The following DNAH17 variants were observed in gnomAD, a reference collection of about 807,000 sequenced individuals.
The protein encoded by DNAH17 is axonemal beta dynein heavy chain 17.
In DNAH17, 376 loss-of-function variants were observed where a neutral mutation model predicts 485.6. The observed-to-expected ratio is 0.77, with a 90% CI of 0.71 to 0.84. The LOEUF (loss-of-function observed/expected upper bound fraction) is 0.84, where lower values mean the gene tolerates loss of function less well. Ranked by LOEUF, DNAH17 falls within the 40% of genes least tolerant of loss-of-function variation. The pLI is 0.00. For synonymous variants in DNAH17, 3,031 were observed against 2,405.9 expected (o/e 1.26, Z -7.60); for missense variants, 6,370 against 5,839.3 (o/e 1.09, Z -2.96).
chr17:78,522,469 A>G lies in DNAH17; in HGVS notation c.3864+2540T>C, dbSNP rs2090957971. ...ATGGAAGGGTGGAGGCACTGGCAAC[A>G]TCAAGCTCCTGAAGCACAAGGAGAA... On this transcript the variant is annotated intron_variant, in intron 25 of 80. Coordinates refer to ENST00000389840, the MANE Select transcript of DNAH17 (RefSeq NM_173628.4). 1.2e-5 allele frequency: 4 copies of G among 324,728 alleles called. 1 individual carries two copies. In the Admixed American group the frequency reaches 1.3e-4, roughly 10 times the overall value. The allele number at this position is 324,728 out of a possible 1,614,324, so 20.1% of individuals were successfully genotyped here.
chr17:78,540,879 ATGGGTGGATGGATGGG>A (rs2091531049), intron 17 of DNAH17, among the ~76,000 whole-genome samples: 1 of 18 alleles, frequency 0.056, no homozygotes, highest in Non-Finnish European at 0.083. Context: ...GGGTGGGTGG[ATGGGTGGATGGATGGG>A]TGGGTGGGTG....
rs982623337 is a variant in DNAH17, at chr17:78,501,502, C to A, written c.5323-158G>T. Reference sequence around the variant, plus strand: ...GCACCCACATCCAACTGTATGGCCACCCTCAGTGGAATCTCGCTACAGAAT... The same window carrying A: ...GCACCCACATCCAACTGTATGGCCAACCTCAGTGGAATCTCGCTACAGAAT... On this transcript the variant is annotated intron_variant, in intron 34 of 80. Transcript: ENST00000389840. 8 of 1,017,400 alleles carry A rather than the reference C, an allele frequency of 7.9e-6. No homozygotes were observed. The East Asian group carries it at 1.1e-4, about 13-fold the overall frequency. 63.0% of individuals were successfully genotyped at this position (1,017,400 alleles called of 1,614,324 possible).
chr17:78,443,602 C>A (rs1169790548), intron 71 of DNAH17, among the ~76,000 whole-genome samples: 1 of 152,102 alleles, frequency 6.6e-6, no homozygotes, highest in Admixed American at 6.5e-5. Context: ...CAGGCTGGAG[C>A]GCAGTGGCAC....
At chr17:78,538,671 T>C (rs2091442489) in intron 18 of DNAH17, among the ~76,000 whole-genome samples, 1 of 152,188 alleles carries the variant, frequency 6.6e-6, no homozygotes, top group Admixed American at 6.5e-5. Context: ...GAGAACCCTT[T>C]GTTACTGGGA....
chr17:78,535,875 C>T lies in DNAH17; in HGVS notation c.2859+1424G>A, dbSNP rs187145848. 2.0e-5 allele frequency among the ~76,000 whole-genome samples: 3 copies of T among 152,300 alleles called. No homozygotes were observed. The East Asian group carries it at 5.8e-4, about 29-fold the overall frequency. ...GGGTTTGGGCCAGAATTGGTCAAGC[C>T]ACTCCCCTCTTCCACAAACATTTAG... On this transcript the variant is annotated intron_variant, in intron 19 of 80. Transcript: ENST00000389840.
intron 75 of DNAH17, among the ~76,000 whole-genome samples, chr17:78,429,631 CTGTGCCTCAG>C (rs1290055753): frequency 7.2e-5 from 11 of 152,214 alleles, no homozygotes; most frequent in Non-Finnish European, 1.2e-4. Flanking sequence ...CTGTGCCTCA[CTGTGCCTCAG>C]AGGCCACAGG....
At chr17:78,460,675 G>C (rs2088074043) in intron 58 of DNAH17, among the ~76,000 whole-genome samples, 1 of 152,188 alleles carries the variant, frequency 6.6e-6, no homozygotes, top group South Asian at 2.1e-4. Context: ...TCGACAGTTG[G>C]GTGGGATTCT....
rs191556461 is a variant in DNAH17 at position 78,512,277 on chromosome 17, C to T, written c.4114-1771G>A. 2.7e-3 allele frequency among the ~76,000 whole-genome samples: 406 copies of T among 152,318 alleles called. 3 individuals carry two copies. Among genetic ancestry groups the T allele is most frequent in the African/African-American group, 9.3e-3 (387 of 41,562 alleles). On this transcript the variant is annotated intron_variant, in intron 26 of 80. Coordinates refer to ENST00000389840, the MANE Select transcript of DNAH17 (RefSeq NM_173628.4). ...GGGTATGTTCTCACCGTTGTTCTTGCATTCTTTCATGCCAAGACCTGTCCC... is the reference window on the plus strand; with the variant it reads ...GGGTATGTTCTCACCGTTGTTCTTGTATTCTTTCATGCCAAGACCTGTCCC...
intron 18 of DNAH17, among the ~76,000 whole-genome samples, chr17:78,537,909 C>T (rs150672227): frequency 0.02 from 2,994 of 152,178 alleles, 46 homozygotes; most frequent in Non-Finnish European, 0.032. Flanking sequence ...GAGGCCAAGG[C>T]GGGTGGATCA....
intron 20 of DNAH17, among the ~76,000 whole-genome samples, chr17:78,531,507 T>A (rs931812544): frequency 6.6e-6 from 1 of 151,598 alleles, no homozygotes; most frequent in Non-Finnish European, 1.5e-5. Context: ...CCCAGCTAAT[T>A]TTTTGTATTT....
Position 78,494,697 on chromosome 17 carries a change from T to C in DNAH17, c.6166A>G (p.Ile2056Val). 1 of 1,613,914 alleles carries C rather than the reference T, an allele frequency of 6.2e-7. No individual in the cohort carries two copies. Among genetic ancestry groups the C allele is most frequent in the Non-Finnish European group, 8.5e-7 (1 of 1,179,876 alleles). The stretch of plus-strand genomic sequence containing the variant: ...AGGTCGTCTGTCACAATCTTGGGGA[T>C]GTTGAAGTCTCTCAGCGCCCGCATG... ...VLMRALRDFN[I>V]PKIVTDDLPV... The change falls in exon 40 of 81, where the codon ATC (isoleucine) becomes GTC (valine). Residue 2056 changes from isoleucine to valine, a missense_variant. Coordinates refer to ENST00000389840, the MANE Select transcript of DNAH17 (RefSeq NM_173628.4).
intron 54 of DNAH17, among the ~76,000 whole-genome samples, chr17:78,471,729 G>T (rs1333823595): frequency 2.0e-5 from 3 of 152,062 alleles, no homozygotes; most frequent in Admixed American, 1.3e-4. Flanking sequence ...CCCATATGGA[G>T]TGGCCCTTAC....
At chr17:78,550,945 G>A (rs971458203) in intron 16 of DNAH17, among the ~76,000 whole-genome samples, 2 of 152,214 alleles carry the variant, frequency 1.3e-5, no homozygotes, top group Non-Finnish European at 2.9e-5. Context: ...AGAGCCAGAT[G>A]CGGTGGCTCA....
chr17:78,447,694 A>G (rs1295557034), intron 69 of DNAH17, among the ~76,000 whole-genome samples: 1 of 152,206 alleles, frequency 6.6e-6, no homozygotes, highest in African/African-American at 2.4e-5. Flanking sequence ...CCAGGAGAAA[A>G]TCTCATAGTG....
rs544434927 is a variant in DNAH17 at position 78,448,149 on chromosome 17, G to A, written c.11211+1265C>T. ...ATTGCACCATTGCACCCCAGCCCGG[G>A]CAACAAGAGGAAAACTCCGTCTAAA... On this transcript the variant is annotated intron_variant, in intron 69 of 80. Coordinates refer to ENST00000389840, the MANE Select transcript of DNAH17 (RefSeq NM_173628.4). Among the ~76,000 whole-genome samples the A allele has an allele frequency of 5.9e-5, 9 of 151,650 alleles. No homozygotes were observed. In the South Asian group the frequency reaches 1.9e-3, roughly 32 times the overall value.
In DNAH17 at chr17:78,510,400, T is replaced by G. The variant is rs776572490; in HGVS notation, c.4220A>C (p.Glu1407Ala). The G allele has an allele frequency of 1.2e-6, 2 of 1,612,902 alleles. No individual in the cohort carries two copies. The highest frequency in any genetic ancestry group is 4.5e-5 in the East Asian group (2 of 44,880). Residue 1407 changes from glutamate to alanine, a missense_variant, in exon 27 of 81, where the codon GAG becomes GCG. Coordinates refer to ENST00000389840, the MANE Select transcript of DNAH17 (RefSeq NM_173628.4). ...ACGGCCTACCTTTTCCATGCCCGAC[T>G]CCTTCACGGCCTTGTCCACGATGTT... Reference protein sequence around the residue: ...VRNIVDKAVKESGMEKVLKAL... With the variant: ...VRNIVDKAVKASGMEKVLKAL...
At chr17:78,491,633 G>C in intron 42 of DNAH17, 63 bp from the exon 43 acceptor site, 1 of 1,562,540 alleles carries the variant, frequency 6.4e-7, no homozygotes, top group South Asian at 1.2e-5. Flanking sequence ...GTCCCCACCA[G>C]TCCTGACCCT....
chr17:78,507,154 C>T, intron 29 of DNAH17, 124 bp downstream of exon 29: 8 of 1,124,454 alleles, frequency 7.1e-6, no homozygotes, highest in Non-Finnish European at 1.0e-5. Flanking sequence ...AATTGATTAA[C>T]CCAGGACCCA....
intron 79 of DNAH17, 86 bp from the exon 80 acceptor site, chr17:78,425,657 C>T (rs1355574024): frequency 1.0e-5 from 13 of 1,240,246 alleles, no homozygotes; most frequent in South Asian, 1.5e-5. Flanking sequence ...GCAGGGGTCA[C>T]GCCAGAACCT....
Sources: allele counts gnomAD v4.1 joint callset (sites outside exome capture counted in the v4.1 genomes callset), GRCh38; gene constraint gnomAD v4.1.1; transcripts MANE v1.5; gene names NCBI Gene and HGNC (gene_info 2026-07-23, HGNC 2026-07-21).